SPAG16: variants seen among roughly 807,000 people sequenced by gnomAD.
SPAG16 encodes the protein sperm-associated antigen 16 protein.
SPAG16 carries 86 observed loss-of-function variants against 80.4 expected under a neutral mutation model. The observed-to-expected ratio is 1.07, with a 90% CI of 0.90 to 1.28. The LOEUF (loss-of-function observed/expected upper bound fraction) is 1.28. Among genes scored for constraint, SPAG16 ranks in the 50% most tolerant of loss-of-function variants. The pLI, the probability that SPAG16 is intolerant of heterozygous loss-of-function variation, is 0.00. For synonymous variants in SPAG16, 294 were observed against 265.9 expected (o/e 1.11, Z -1.03); for missense variants, 870 against 765.3 (o/e 1.14, Z -1.61).
intron 15 of SPAG16, among the ~76,000 whole-genome samples, chr2:214,241,752 G>A (rs1189009278): frequency 2.0e-5 from 3 of 152,166 alleles, no homozygotes; most frequent in Non-Finnish European, 4.4e-5. Context: ...TACTTAAACT[G>A]CAATAGCAAA....
chr2:214,262,989 A>T (rs1292918287), intron 15 of SPAG16, among the ~76,000 whole-genome samples: 1 of 152,094 alleles, frequency 6.6e-6, no homozygotes, highest in Admixed American at 6.6e-5. Context: ...TACACACGTG[A>T]TATTTTGATA....
At chr2:213,497,615 C>T (rs561459152) in intron 10 of SPAG16, among the ~76,000 whole-genome samples, 3 of 152,036 alleles carry the variant, frequency 2.0e-5, no homozygotes, top group Admixed American at 2.0e-4. Context: ...TTTTAATTAT[C>T]TAGATCTATA....
intron 15 of SPAG16, among the ~76,000 whole-genome samples, chr2:214,275,137 G>C (rs1445906189): frequency 6.6e-6 from 1 of 152,152 alleles, no homozygotes; most frequent in Admixed American, 6.6e-5. Context: ...GGGATCAGTG[G>C]TGATATCCGC....
intron 15 of SPAG16, among the ~76,000 whole-genome samples, chr2:214,151,344 T>C (rs1270956951): frequency 6.6e-6 from 1 of 151,904 alleles, no homozygotes; most frequent in Non-Finnish European, 1.5e-5. Flanking sequence ...ATTATGTTCA[T>C]CTCAAGAGAG....
At chr2:213,452,931 T>C (rs2071789660) in intron 9 of SPAG16, among the ~76,000 whole-genome samples, 1 of 152,230 alleles carries the variant, frequency 6.6e-6, no homozygotes, top group East Asian at 1.9e-4. Context: ...CCATGTAAAA[T>C]ATTAGAATTC....
chr2:213,914,599 T>G (rs562620478), intron 11 of SPAG16, among the ~76,000 whole-genome samples: 70 of 152,200 alleles, frequency 4.6e-4, no homozygotes, highest in Admixed American at 8.5e-4. Flanking sequence ...AAATACTGAT[T>G]TGACTTCATG....
intron 13 of SPAG16, among the ~76,000 whole-genome samples, chr2:214,031,182 G>A (rs2048387779): frequency 6.6e-6 from 1 of 151,814 alleles, no homozygotes; most frequent in African/African-American, 2.4e-5. Flanking sequence ...GTCTGTTGGA[G>A]TTTGCTAGAG....
At chr2:214,096,019 T>C (rs1220002049) in intron 13 of SPAG16, among the ~76,000 whole-genome samples, 1 of 151,974 alleles carries the variant, frequency 6.6e-6, no homozygotes, top group Non-Finnish European at 1.5e-5. Flanking sequence ...AATTGAATTA[T>C]AGAATGTAAT....
intron 10 of SPAG16, among the ~76,000 whole-genome samples, chr2:213,821,852 GTCCA>G (rs1157307902): frequency 6.6e-6 from 1 of 152,026 alleles, no homozygotes; most frequent in African/African-American, 2.4e-5. Context: ...TGACATCTGG[GTCCA>G]TCCATGTTGT....
chr2:213,951,224 A>G (rs1336621324), intron 12 of SPAG16, among the ~76,000 whole-genome samples: 1 of 152,120 alleles, frequency 6.6e-6, no homozygotes, highest in East Asian at 1.9e-4. Flanking sequence ...AATTGAGGAA[A>G]ATTTTAGGAA....
chr2:214,410,262 G>A lies in SPAG16; in HGVS notation c.1843G>A (p.Gly615Arg), dbSNP rs753408564. 6 of 1,610,832 alleles carry A rather than the reference G, an allele frequency of 3.7e-6. No individual in the cohort carries two copies. Among genetic ancestry groups the A allele is most frequent in the East Asian group, 4.5e-5 (2 of 44,754 alleles). ...EAHTVVFSHD[G>R]EILFSGGSDG... Reference sequence around the variant, plus strand: ...ACACACGGTTGTGTTTTCTCACGACGGGGAGATTCTCTTTTCTGGAGGCTC... The same window carrying A: ...ACACACGGTTGTGTTTTCTCACGACAGGGAGATTCTCTTTTCTGGAGGCTC... The change falls in exon 16 of 16, where the codon GGG becomes AGG. Residue 615 changes from glycine (G) to arginine (R), a missense_variant. By Grantham distance (125) the Gly-to-Arg change is moderately radical. Coordinates refer to ENST00000331683, the MANE Select transcript of SPAG16 (RefSeq NM_024532.5).
rs1268283583 is a variant in SPAG16, at chr2:213,453,443, G to C, written c.943-36520G>C. Among the ~76,000 whole-genome samples the C allele has an allele frequency of 3.9e-5, 6 of 152,304 alleles. No individual in the cohort carries two copies. In the East Asian group the frequency reaches 1.2e-3, roughly 29 times the overall value. On this transcript the variant is annotated intron_variant, in intron 9 of 15. Transcript: ENST00000331683. Reference sequence around the variant, plus strand: ...AAATTACACTGGATGTTCAGCACTTGTCTTGGATATATTCAAAAGCAAAAC... The same window carrying C: ...AAATTACACTGGATGTTCAGCACTTCTCTTGGATATATTCAAAAGCAAAAC...
chr2:213,875,220 T>G (rs1307754961), intron 11 of SPAG16, among the ~76,000 whole-genome samples: 1 of 151,886 alleles, frequency 6.6e-6, no homozygotes, highest in African/African-American at 2.4e-5. Context: ...CTAAAAAGTG[T>G]CCCAATTTTA....
At chr2:214,031,229 A>C (rs553729605) in intron 13 of SPAG16, among the ~76,000 whole-genome samples, 98 of 151,908 alleles carry the variant, frequency 6.5e-4, no homozygotes, top group African/African-American at 2.1e-3. Context: ...AAAATGTGGC[A>C]CATATGCACC....
chr2:214,032,739 C>G (rs140019800), intron 13 of SPAG16, among the ~76,000 whole-genome samples: 2 of 152,118 alleles, frequency 1.3e-5, no homozygotes, highest in East Asian at 3.9e-4. Flanking sequence ...AAGTAAAACC[C>G]CAAATTCTAT....
intron 9 of SPAG16, among the ~76,000 whole-genome samples, chr2:213,473,328 A>G (rs1023441355): frequency 6.6e-6 from 1 of 152,086 alleles, no homozygotes; most frequent in African/African-American, 2.4e-5. Context: ...AATTATTCCA[A>G]TTGTGTTTAA....
intron 15 of SPAG16, among the ~76,000 whole-genome samples, chr2:214,321,945 A>G (rs1402309777): frequency 6.6e-6 from 1 of 152,194 alleles, no homozygotes; most frequent in Non-Finnish European, 1.5e-5. Context: ...TTGTGCTTCT[A>G]CAATACTTTG....
chr2:213,913,164 C>T (rs2077755826), intron 11 of SPAG16, among the ~76,000 whole-genome samples: 1 of 151,826 alleles, frequency 6.6e-6, no homozygotes, highest in Non-Finnish European at 1.5e-5. Flanking sequence ...TTATTTTTTC[C>T]TCAATATAGT....
At chr2:214,318,186 T>A (rs1316953282) in intron 15 of SPAG16, among the ~76,000 whole-genome samples, 1 of 152,124 alleles carries the variant, frequency 6.6e-6, no homozygotes, top group African/African-American at 2.4e-5. Flanking sequence ...CACCTGGGAA[T>A]ATGCACTTCT....
Sources: gnomAD v4.1 joint callset for allele counts (sites outside exome capture counted in the v4.1 genomes callset) on GRCh38, gnomAD v4.1.1 for gene constraint, MANE v1.5 for transcripts, NCBI Gene and HGNC (gene_info 2026-07-23, HGNC 2026-07-21) for gene names.